SLCO1A2: variants seen among roughly 807,000 people sequenced by gnomAD.
SLCO1A2 encodes the protein OATP-1.
Under a neutral mutation model 69.0 loss-of-function variants are expected in SLCO1A2, and 67 were observed. The observed-to-expected ratio is 0.97, with a 90% CI of 0.80 to 1.19. The LOEUF is 1.19. Among genes scored for constraint, SLCO1A2 ranks in the 50% most tolerant of loss-of-function variants. The pLI is 0.00. For synonymous variants in SLCO1A2, 260 were observed against 265.9 expected (o/e 0.98, Z 0.22); for missense variants, 787 against 793.7 (o/e 0.99, Z 0.10).
At chr12:21,277,480 T>C (rs1259195384) in intron 12 of SLCO1A2, among the ~76,000 whole-genome samples, 1 of 132,256 alleles carries the variant, frequency 7.6e-6, no homozygotes, top group African/African-American at 3.1e-5. Context: ...CTGTGGCAGC[T>C]GTGGTGAGAG....
chr12:21,389,161 G>A (rs1474242820), intron 1 of SLCO1A2, among the ~76,000 whole-genome samples: 1 of 151,890 alleles, frequency 6.6e-6, no homozygotes, highest in Non-Finnish European at 1.5e-5. Flanking sequence ...AGTAATCTGA[G>A]GTAAACTGTT....
chr12:21,274,630 A>ATACT, intron 13 of SLCO1A2, 44 bp from the exon 14 acceptor site: 1 of 1,212,852 alleles, frequency 8.2e-7, no homozygotes, highest in Non-Finnish European at 1.2e-6. Flanking sequence ...AAGAATTAAG[A>ATACT]TACTTGATTT....
chr12:21,299,799 C>T (rs1207645586), intron 8 of SLCO1A2, among the ~76,000 whole-genome samples: 11 of 127,338 alleles, frequency 8.6e-5, no homozygotes, highest in Non-Finnish European at 1.5e-4. Flanking sequence ...TACACACACA[C>T]GTATATATAT....
intron 1 of SLCO1A2, among the ~76,000 whole-genome samples, chr12:21,375,622 C>T (rs1940136892): frequency 2.0e-5 from 3 of 152,168 alleles, no homozygotes; most frequent in Non-Finnish European, 4.4e-5. Context: ...AATATAATTA[C>T]ATAGATGCCA....
chr12:21,398,150 G>C (rs1305723954), upstream of SLCO1A2, among the ~76,000 whole-genome samples: 2 of 148,232 alleles, frequency 1.3e-5, no homozygotes, highest in African/African-American at 4.9e-5. Context: ...GAAAAAAAGA[G>C]AGAAGAATCA....
chr12:21,367,716 A>G (rs1939495890), intron 2 of SLCO1A2, among the ~76,000 whole-genome samples: 1 of 152,134 alleles, frequency 6.6e-6, no homozygotes, highest in South Asian at 2.1e-4. Flanking sequence ...CATTCATCAG[A>G]AATTAATAAA....
intron 1 of SLCO1A2, among the ~76,000 whole-genome samples, chr12:21,410,054 AC>A (rs1458769284): frequency 6.6e-6 from 1 of 152,052 alleles, no homozygotes; most frequent in Non-Finnish European, 1.5e-5. Flanking sequence ...TCCTTGGATC[AC>A]CCCCTTGTTC....
chr12:21,327,752 A>G (rs1952348574), intron 2 of SLCO1A2, among the ~76,000 whole-genome samples: 1 of 152,130 alleles, frequency 6.6e-6, no homozygotes, highest in Non-Finnish European at 1.5e-5. Context: ...CTAGGAAGTA[A>G]CTAACTTGCT....
At chr12:21,273,520 TCTGA>T (rs1470283596) in intron 14 of SLCO1A2, among the ~76,000 whole-genome samples, 3 of 152,166 alleles carry the variant, frequency 2.0e-5, no homozygotes, top group Non-Finnish European at 4.4e-5. Flanking sequence ...GTCTAATTGG[TCTGA>T]CTAACAGAGA....
intron 2 of SLCO1A2, among the ~76,000 whole-genome samples, chr12:21,320,655 T>C (rs1408199886): frequency 6.6e-6 from 1 of 152,016 alleles, no homozygotes; most frequent in East Asian, 1.9e-4. Context: ...TGTACCACCA[T>C]GACCGGTTAG....
chr12:21,381,385 A>G (rs1169634378), intron 1 of SLCO1A2, among the ~76,000 whole-genome samples: 1 of 152,192 alleles, frequency 6.6e-6, no homozygotes, highest in East Asian at 1.9e-4. Flanking sequence ...TTAAAAAAAG[A>G]TATACAAATG....
intron 2 of SLCO1A2, among the ~76,000 whole-genome samples, chr12:21,362,937 A>T (rs927665832): frequency 2.0e-5 from 3 of 152,184 alleles, no homozygotes; most frequent in Non-Finnish European, 4.4e-5. Context: ...CTCCCACACA[A>T]TAATAATGGG....
chr12:21,274,856 T>A, intron 13 of SLCO1A2: 1 of 921,330 alleles, frequency 1.1e-6, no homozygotes, highest in East Asian at 5.3e-5. Flanking sequence ...TTTTCTTAAA[T>A]GTTTTGGGCC....
chr12:21,408,701 C>A (rs1941861012), intron 1 of SLCO1A2, among the ~76,000 whole-genome samples: 1 of 147,920 alleles, frequency 6.8e-6, no homozygotes, highest in Non-Finnish European at 1.5e-5. Flanking sequence ...TGTTTGGCTG[C>A]CTCAGCGCAT....
At chr12:21,405,783 G>C (rs1254014064) in intron 1 of SLCO1A2, among the ~76,000 whole-genome samples, 4 of 152,136 alleles carry the variant, frequency 2.6e-5, no homozygotes, top group Admixed American at 1.3e-4. Flanking sequence ...GACTTAAGTG[G>C]ATTGATATTT....
chr12:21,319,429 G>A (rs774160134), intron 2 of SLCO1A2: 25 of 1,367,632 alleles, frequency 1.8e-5, no homozygotes, highest in Non-Finnish European at 2.3e-5. Flanking sequence ...GAAACATTCT[G>A]CATTCTCAGC....
Position 21,384,854 on chromosome 12 carries a change from C to T in SLCO1A2, c.-190+10052G>A, listed in dbSNP as rs113605543. 2.0e-3 allele frequency among the ~76,000 whole-genome samples: 309 copies of T among 151,718 alleles called. 2 individuals are homozygous for T. The highest frequency in any genetic ancestry group is 7.2e-3 in the African/African-American group (297 of 41,342). On this transcript the variant is annotated intron_variant, in intron 1 of 15. Coordinates refer to the SLCO1A2 transcript ENST00000307378. ...GATCTCGGCTCACTTCAAGCTCCGC[C>T]TTCCAGGTTCACGCCATTCTCCAGC...
At chr12:21,345,081 A>T (rs1002103281) in intron 2 of SLCO1A2, among the ~76,000 whole-genome samples, 1 of 151,942 alleles carries the variant, frequency 6.6e-6, no homozygotes, top group African/African-American at 2.4e-5. Context: ...CAATAAAAGA[A>T]GCTGGTTAAT....
intron 9 of SLCO1A2, 95 bp downstream of exon 9, chr12:21,297,309 C>T (rs573437736): frequency 2.6e-6 from 2 of 761,738 alleles, no homozygotes; most frequent in South Asian, 7.8e-5. Context: ...CAAAAAATAT[C>T]CTAAAACACT....
Sources: gnomAD v4.1 joint callset for allele counts (sites outside exome capture counted in the v4.1 genomes callset) on GRCh38, gnomAD v4.1.1 for gene constraint, MANE v1.5 for transcripts, NCBI Gene and HGNC (gene_info 2026-07-23, HGNC 2026-07-21) for gene names.